ADGRL2: variants seen among roughly 807,000 people sequenced by gnomAD.
ADGRL2 encodes calcium-independent alpha-latrotoxin receptor 2.
Under a neutral mutation model 157.4 loss-of-function variants are expected in ADGRL2, and 44 were observed. The observed-to-expected ratio is 0.28, with a 90% CI of 0.22 to 0.36. ADGRL2 has a LOEUF of 0.36. ADGRL2 is among the 10% of genes least tolerant of loss of function. The probability of loss-of-function intolerance (pLI) is 1.00; values close to 1 mark genes in which losing one functional copy is unlikely to be tolerated. For synonymous variants in ADGRL2, 585 were observed against 624.7 expected, an observed-to-expected ratio of 0.94 and a Z score of 0.95; for missense variants, 1,510 against 1,768.9, an observed-to-expected ratio of 0.85 and a Z score of 2.63.
intron 1 of ADGRL2, among the ~76,000 whole-genome samples, chr1:81,802,929 G>A (rs895509850): frequency 2.0e-5 from 3 of 152,092 alleles, no homozygotes; most frequent in Non-Finnish European, 2.9e-5. Flanking sequence ...GATTGGGAGC[G>A]GCGGGGCTGC....
chr1:81,554,780 G>T (rs2148407789), intron 2 of ADGRL2, among the ~76,000 whole-genome samples: 1 of 152,146 alleles, frequency 6.6e-6, no homozygotes, highest in South Asian at 2.1e-4. Flanking sequence ...TAACTCAGGG[G>T]ATTTGTTGGT....
At chr1:81,960,334 A>C (rs954094004) in intron 11 of ADGRL2, among the ~76,000 whole-genome samples, 13 of 152,312 alleles carry the variant, frequency 8.5e-5, no homozygotes, top group Non-Finnish European at 1.5e-4. Flanking sequence ...TAATTTAACA[A>C]GAACTTTCTG....
chr1:81,963,553 A>G (rs4970640), intron 11 of ADGRL2, among the ~76,000 whole-genome samples: 93,815 of 151,574 alleles, frequency 0.62, 29,378 homozygotes, highest in East Asian at 0.75. Flanking sequence ...GAAAACTTCT[A>G]TCTGGTCAAA....
At chr1:81,525,771 G>T (rs2079440669) in intron 2 of ADGRL2, among the ~76,000 whole-genome samples, 1 of 152,232 alleles carries the variant, frequency 6.6e-6, no homozygotes, top group South Asian at 2.1e-4. Flanking sequence ...TATTGGTGGG[G>T]GGCAAAGGTG....
rs767592229 is a variant in ADGRL2, at chr1:81,990,574, A to G, written c.3839A>G (p.Asn1280Ser). The G allele has an allele frequency of 3.1e-6, 5 of 1,614,064 alleles. No individual in the cohort carries two copies. The highest frequency in any genetic ancestry group is 2.2e-5 in the East Asian group (1 of 44,892). Residue 1280 changes from asparagine (N) to serine (S), a missense_variant, in exon 24 of 24, where the codon AAC becomes AGC. Transcript: ENST00000686636. ...EKMIISELVHNNLRGSSKTHN... is the reference protein window; with the variant it reads ...EKMIISELVHSNLRGSSKTHN... The stretch of plus-strand genomic sequence containing the variant: ...ATGATCATTTCAGAATTAGTGCACA[A>G]CAACTTACGGGGCAGCAGCAAGACT...
At chr1:81,667,739 A>T (rs979142122) in intron 3 of ADGRL2, among the ~76,000 whole-genome samples, 1 of 152,000 alleles carries the variant, frequency 6.6e-6, no homozygotes, top group African/African-American at 2.4e-5. Flanking sequence ...GTATCTAAGT[A>T]TTTTTTTTAA....
intron 2 of ADGRL2, among the ~76,000 whole-genome samples, chr1:81,470,090 A>T (rs1461739858): frequency 6.6e-6 from 1 of 152,194 alleles, no homozygotes; most frequent in East Asian, 1.9e-4. Context: ...TCCTTAAGTC[A>T]TGTTCTTCTG....
intron 3 of ADGRL2, among the ~76,000 whole-genome samples, chr1:81,614,402 G>A (rs1440768751): frequency 6.6e-6 from 1 of 152,164 alleles, no homozygotes; most frequent in African/African-American, 2.4e-5. Context: ...TCCATTCCAT[G>A]GTATAGTAAC....
intron 1 of ADGRL2, among the ~76,000 whole-genome samples, chr1:81,423,428 G>A (rs932431396): frequency 6.6e-6 from 1 of 152,242 alleles, no homozygotes; most frequent in Admixed American, 6.5e-5. Flanking sequence ...TCTTGTCATT[G>A]TATTAAAATA....
chr1:81,556,893 T>G (rs1459689530), intron 2 of ADGRL2, among the ~76,000 whole-genome samples: 1 of 151,672 alleles, frequency 6.6e-6, no homozygotes, highest in Admixed American at 6.6e-5. Context: ...CTGACCGACA[T>G]GGTGAAACCC....
chr1:81,629,008 T>C (rs1316851360), intron 3 of ADGRL2, among the ~76,000 whole-genome samples: 1 of 152,196 alleles, frequency 6.6e-6, no homozygotes, highest in Non-Finnish European at 1.5e-5. Flanking sequence ...ATTAGAGTTT[T>C]CTAGGAGAAA....
intron 1 of ADGRL2, among the ~76,000 whole-genome samples, chr1:81,389,291 A>G (rs1001654758): frequency 2.0e-5 from 3 of 152,176 alleles, no homozygotes; most frequent in African/African-American, 7.2e-5. Context: ...CTTTCCCAAT[A>G]GAGATTACAT....
At chr1:81,847,290 A>G (rs1298392750) in intron 2 of ADGRL2, among the ~76,000 whole-genome samples, 3 of 151,912 alleles carry the variant, frequency 2.0e-5, no homozygotes, top group Non-Finnish European at 2.9e-5. Context: ...TAAAATGTAG[A>G]TTCTTGCTTC....
At chr1:81,765,738 C>A (rs1434885067) in intron 2 of ADGRL2, among the ~76,000 whole-genome samples, 2 of 151,948 alleles carry the variant, frequency 1.3e-5, no homozygotes, top group Non-Finnish European at 2.9e-5. Flanking sequence ...CGTCAATGAA[C>A]AACAGTAAAA....
Position 81,714,635 on chromosome 1 carries a change from C to G in ADGRL2, c.-143+14827C>G, listed in dbSNP as rs571675638. 3.0e-3 allele frequency among the ~76,000 whole-genome samples: 463 copies of G among 151,998 alleles called. 2 individuals are homozygous for G. Among genetic ancestry groups the G allele is most frequent in the African/African-American group, 0.011 (436 of 41,462 alleles). On this transcript the variant is annotated intron_variant, in intron 1 of 20. Transcript: ENST00000359929. Reference sequence around the variant, plus strand: ...AGGGGATAAAGAAGATTTAGAAAACCCTGATTCAGTATTAGAAATTAATGA... The same window carrying G: ...AGGGGATAAAGAAGATTTAGAAAACGCTGATTCAGTATTAGAAATTAATGA...
chr1:81,855,221 T>C (rs933058406), intron 2 of ADGRL2, among the ~76,000 whole-genome samples: 3 of 152,166 alleles, frequency 2.0e-5, no homozygotes, highest in Non-Finnish European at 4.4e-5. Flanking sequence ...GGAGGATCAC[T>C]TGAGGCCAGG....
At chr1:81,768,282 A>T (rs573747372) in intron 2 of ADGRL2, among the ~76,000 whole-genome samples, 8 of 152,086 alleles carry the variant, frequency 5.3e-5, no homozygotes, top group Non-Finnish European at 8.8e-5. Flanking sequence ...TCCTGGCCTC[A>T]AGCGGTACTC....
At chr1:81,684,180 C>T (rs1330134121) in intron 3 of ADGRL2, among the ~76,000 whole-genome samples, 1 of 152,192 alleles carries the variant, frequency 6.6e-6, no homozygotes, top group Non-Finnish European at 1.5e-5. Flanking sequence ...AATGGTAGTT[C>T]TACTTTCAGT....
At chr1:81,309,679 A>G (rs906057720) in intron 1 of ADGRL2, among the ~76,000 whole-genome samples, 2 of 152,128 alleles carry the variant, frequency 1.3e-5, no homozygotes, top group African/African-American at 4.8e-5. Context: ...CATTTAACGT[A>G]TGTCAGGAAT....
Sources: allele counts gnomAD v4.1 joint callset (sites outside exome capture counted in the v4.1 genomes callset), GRCh38; gene constraint gnomAD v4.1.1; transcripts MANE v1.5; gene names NCBI Gene and HGNC (gene_info 2026-07-23, HGNC 2026-07-21).